Variants in APOH observed in about 807,000 individuals in gnomAD.
The protein encoded by APOH is beta-2-glycoprotein 1.
APOH carries 48 observed loss-of-function variants against 39.8 expected under a neutral mutation model. That is an observed-to-expected ratio of 1.21 (90% CI 0.96 to 1.54). The LOEUF (loss-of-function observed/expected upper bound fraction) is 1.54, where lower values mean the gene tolerates loss of function less well. Among genes scored for constraint, APOH ranks in the 40% most tolerant of loss-of-function variants. APOH has a pLI of 0.00. For missense variants in APOH, 415 were observed against 421.2 expected (o/e 0.99, Z 0.13); for synonymous variants, 153 against 151.1 (o/e 1.01, Z -0.09).
At chr17:66,219,070 G>A (rs2073382368) in intron 5 of APOH, among the ~76,000 whole-genome samples, 1 of 151,938 alleles carries the variant, frequency 6.6e-6, no homozygotes, top group South Asian at 2.1e-4. Flanking sequence ...TAAATTAAAG[G>A]TGTGATTCTT....
intron 5 of APOH, among the ~76,000 whole-genome samples, chr17:66,219,510 G>C (rs972369096): frequency 6.6e-6 from 1 of 152,188 alleles, no homozygotes; most frequent in Non-Finnish European, 1.5e-5. Flanking sequence ...TGAGTGCCCA[G>C]AAAGGTACAA....
intron 6 of APOH, among the ~76,000 whole-genome samples, chr17:66,215,791 T>G (rs1000724040): frequency 3.3e-5 from 5 of 152,262 alleles, no homozygotes; most frequent in African/African-American, 1.2e-4. Flanking sequence ...GGGTCTGGTG[T>G]ATATCAAGCC....
rs2073353988 is a variant in APOH at position 66,214,614 on chromosome 17, A to G, written c.821T>C (p.Val274Ala). Reference sequence around the variant, plus strand: ...AATCTTTACTCTCTCTCCTTGGTACACCACAGTGGCTTTTTTCACAGGTAC... The same window carrying G: ...AATCTTTACTCTCTCTCCTTGGTACGCCACAGTGGCTTTTTTCACAGGTAC... ...CKVPVKKATV[V>A]YQGERVKIQE... The change falls in exon 7 of 8, where the codon GTG becomes GCG. Residue 274 changes from valine to alanine, a missense_variant. Val to Ala is a moderately conservative substitution (Grantham distance 64). Coordinates refer to ENST00000205948, the MANE Select transcript of APOH (RefSeq NM_000042.3). 1.9e-6 allele frequency: 3 copies of G among 1,613,566 alleles called. No individual in the cohort carries two copies. The highest frequency in any genetic ancestry group is 2.2e-5 in the South Asian group (2 of 91,032).
intron 2 of APOH, 75 bp downstream of exon 2, chr17:66,227,945 A>T: frequency 6.7e-7 from 1 of 1,497,164 alleles, no homozygotes; most frequent in Non-Finnish European, 9.1e-7. Context: ...TCTGAGCATG[A>T]CGAGGTAGCT....
intron 3 of APOH, among the ~76,000 whole-genome samples, chr17:66,224,570 C>T (rs374553359): frequency 4.1e-5 from 4 of 96,998 alleles, no homozygotes; most frequent in Non-Finnish European, 6.0e-5. Context: ...AAAAGAAAGA[C>T]GGAAGGAAGG....
rs1046220831 is a variant in APOH at position 66,216,936 on chromosome 17, G to C, written c.636C>G (p.Asp212Glu). Residue 212 changes from aspartate to glutamate, a missense_variant, in exon 6 of 8, where the codon GAC (aspartate) becomes GAG (glutamate). Physicochemically the swap from Asp to Glu is conservative, Grantham distance 45 (BLOSUM62 2). This residue lies in a region of APOH where 288 missense variants were observed against 284.9 expected (regional missense o/e 1.01). Coordinates refer to ENST00000205948, the MANE Select transcript of APOH (RefSeq NM_000042.3). ...TTGCAGGATAGTTCACAAATCCATTGTCTGGTCTTGATGGGAATGGGCATT... is the reference window on the plus strand; with the variant it reads ...TTGCAGGATAGTTCACAAATCCATTCTCTGGTCTTGATGGGAATGGGCATT... ...EVKCPFPSRP[D>E]NGFVNYPAKP... is the part of the protein sequence containing the mutation. The C allele has an allele frequency of 6.2e-7, 1 of 1,606,240 alleles. No homozygotes were observed. Among genetic ancestry groups the C allele is most frequent in the East Asian group, 2.2e-5 (1 of 44,670 alleles).
At chr17:66,215,059 A>T (rs1345720768) in intron 6 of APOH, among the ~76,000 whole-genome samples, 1 of 152,176 alleles carries the variant, frequency 6.6e-6, no homozygotes, top group Non-Finnish European at 1.5e-5. Context: ...GCTCATAAAT[A>T]CTCTGAAAAA....
intron 7 of APOH, among the ~76,000 whole-genome samples, chr17:66,213,276 C>A (rs2073345898): frequency 6.6e-6 from 1 of 152,238 alleles, no homozygotes; most frequent in Admixed American, 6.5e-5. Context: ...AACCCTAAAT[C>A]TGAAACCTTA....
intron 1 of APOH, among the ~76,000 whole-genome samples, chr17:66,228,837 A>C (rs8178823): frequency 0.091 from 13,616 of 149,754 alleles, 690 homozygotes; most frequent in South Asian, 0.19. Context: ...TCTTCTTCTT[A>C]TTATTATTAT....
chr17:66,213,323 T>C (rs2073346246), intron 7 of APOH, among the ~76,000 whole-genome samples: 1 of 152,254 alleles, frequency 6.6e-6, no homozygotes, highest in Admixed American at 6.5e-5. Flanking sequence ...CATTACACAC[T>C]TCTTTATCTC....
Position 66,226,058 on chromosome 17 carries a change from G to A in APOH, c.308C>T (p.Pro103Leu). 6.2e-7 allele frequency: 1 copy of A among 1,613,420 alleles called. No individual in the cohort carries two copies. Among genetic ancestry groups the A allele is most frequent in the Non-Finnish European group, 8.5e-7 (1 of 1,179,634 alleles). Residue 103 changes from proline (P) to leucine (L), a missense_variant, in exon 3 of 8, where the codon CCC becomes CTC. Transcript: ENST00000205948. ...GAVRYTTFEY[P>L]NTISFSCNTG... ...GTTACAAGAAAAACTGATCGTGTTG[G>A]GATATTCAAAAGTCGTATAGCGTAC...
In APOH at chr17:66,226,137, G is replaced by T; in HGVS notation, c.242-13C>A. ...GGACATACTCTGGCTGTGATACAAA[G>T]ATAAAAAATGTTACTTTTCTTTGGG... On this transcript the variant is annotated splice_polypyrimidine_tract_variant and intron_variant, in intron 2 of 7. Coordinates refer to ENST00000205948, the MANE Select transcript of APOH (RefSeq NM_000042.3). The T allele has an allele frequency of 6.4e-7, 1 of 1,571,164 alleles. No homozygotes were observed. Among genetic ancestry groups the T allele is most frequent in the Non-Finnish European group, 8.6e-7 (1 of 1,157,884 alleles).
rs574978003 is a variant in APOH at position 66,217,849 on chromosome 17, A to C, written c.605-882T>G. On this transcript the variant is annotated intron_variant, in intron 5 of 7. Transcript: ENST00000205948. ...TCCCAGCCACTCAGGAGGCTAAGGCAGGAGAATCACTCAAACCCAGGAGGT... is the reference window on the plus strand; with the variant it reads ...TCCCAGCCACTCAGGAGGCTAAGGCCGGAGAATCACTCAAACCCAGGAGGT... 4.6e-5 allele frequency among the ~76,000 whole-genome samples: 7 copies of C among 152,186 alleles called. No individual in the cohort carries two copies. In the East Asian group the frequency reaches 1.4e-3, roughly 29 times the overall value.
chr17:66,226,572 G>T (rs1252972914), intron 2 of APOH, among the ~76,000 whole-genome samples: 3 of 150,694 alleles, frequency 2.0e-5, no homozygotes, highest in Non-Finnish European at 2.9e-5. Context: ...GAGGCAGAGG[G>T]TGCCAAGATG....
intron 2 of APOH, 79 bp from the exon 3 acceptor site, chr17:66,226,203 T>G (rs1359714057): frequency 1.5e-5 from 15 of 1,013,442 alleles, no homozygotes; most frequent in Non-Finnish European, 2.0e-5. Context: ...ATTTATAGAA[T>G]TTTTCATTAA....
At chr17:66,213,563 CT>C (rs1247651052) in intron 7 of APOH, among the ~76,000 whole-genome samples, 1 of 152,072 alleles carries the variant, frequency 6.6e-6, no homozygotes, top group Non-Finnish European at 1.5e-5. Flanking sequence ...ATTATTCAAG[CT>C]CAACTTGGAA....
rs112553483 is a variant in APOH at position 66,220,743 on chromosome 17, C to G, written c.416-1G>C. 1 of 1,599,442 alleles carries G rather than the reference C, an allele frequency of 6.3e-7. No homozygotes were observed. The highest frequency in any genetic ancestry group is 8.5e-7 in the Non-Finnish European group (1 of 1,169,636). Reference sequence around the variant, plus strand: ...ATGGATGGTGGAGGGCAGATGATGGCTGGGAAAATAAAGAACTATCATTTC... The same window carrying G: ...ATGGATGGTGGAGGGCAGATGATGGGTGGGAAAATAAAGAACTATCATTTC... On this transcript the variant is annotated splice_acceptor_variant, in intron 4 of 7. Transcript: ENST00000205948. LOFTEE classifies it high-confidence loss of function.
chr17:66,212,932 TCTC>T (rs535532909), intron 7 of APOH, among the ~76,000 whole-genome samples: 101 of 152,374 alleles, frequency 6.6e-4, no homozygotes, highest in African/African-American at 2.4e-3. Flanking sequence ...GTATTTAACA[TCTC>T]ACCAGGGCTC....
At chr17:66,219,759 A>G (rs1003012508) in intron 5 of APOH, among the ~76,000 whole-genome samples, 1 of 152,140 alleles carries the variant, frequency 6.6e-6, no homozygotes, top group African/African-American at 2.4e-5. Context: ...TCTCTACTAA[A>G]AATACAAAAA....
Sources: gnomAD v4.1 joint callset for allele counts (sites outside exome capture counted in the v4.1 genomes callset) on GRCh38, gnomAD v4.1.1 for gene constraint, gnomAD v4.1.1 regional missense constraint, MANE v1.5 for transcripts, NCBI Gene and HGNC (gene_info 2026-07-23, HGNC 2026-07-21) for gene names.